ST6GALNAC3: variants seen among roughly 807,000 people sequenced by gnomAD.
ST6GALNAC3 encodes alpha-N-acetylgalactosaminide alpha-2,6-sialyltransferase 3.
Under a neutral mutation model 32.7 loss-of-function variants are expected in ST6GALNAC3, and 25 were observed. The ratio of observed to expected loss-of-function variants is 0.76; its 90% CI spans 0.56 to 1.07. ST6GALNAC3 has a LOEUF of 1.07. Ranked by LOEUF, ST6GALNAC3 falls within the 50% of genes least tolerant of loss-of-function variation. ST6GALNAC3 has a pLI of 0.00. For missense variants in ST6GALNAC3, 355 were observed against 382.4 expected (o/e 0.93, Z 0.60); for synonymous variants, 129 against 133.1 (o/e 0.97, Z 0.21).
chr1:76,600,054 G>T (rs1570412576), intron 3 of ST6GALNAC3, among the ~76,000 whole-genome samples: 1 of 152,102 alleles, frequency 6.6e-6, no homozygotes, highest in East Asian at 1.9e-4. Flanking sequence ...CCTCCCTACT[G>T]TGGTAGTATC....
intron 2 of ST6GALNAC3, among the ~76,000 whole-genome samples, chr1:76,336,460 AT>A (rs777028914): frequency 2.0e-4 from 30 of 152,288 alleles, no homozygotes; most frequent in Middle Eastern, 3.4e-3. Context: ...AAGGCTCAGT[AT>A]TTCCATTCGA....
chr1:76,460,789 TA>T (rs1311636703), intron 3 of ST6GALNAC3, among the ~76,000 whole-genome samples: 3 of 152,264 alleles, frequency 2.0e-5, no homozygotes, highest in African/African-American at 7.2e-5. Flanking sequence ...AAAGAGCATT[TA>T]TTTTTTTCTT....
At chr1:76,474,835 T>C (rs1335223949) in intron 3 of ST6GALNAC3, among the ~76,000 whole-genome samples, 1 of 152,166 alleles carries the variant, frequency 6.6e-6, no homozygotes, top group Non-Finnish European at 1.5e-5. Context: ...CCTGTGGGAT[T>C]GCACCTTATT....
chr1:76,446,293 G>A (rs573060057), intron 3 of ST6GALNAC3, among the ~76,000 whole-genome samples: 2 of 151,974 alleles, frequency 1.3e-5, no homozygotes, highest in African/African-American at 4.8e-5. Context: ...TCCATTACTA[G>A]AGTGGTATAT....
intron 3 of ST6GALNAC3, among the ~76,000 whole-genome samples, chr1:76,566,775 T>A (rs1457493198): frequency 6.6e-6 from 1 of 152,246 alleles, no homozygotes; most frequent in African/African-American, 2.4e-5. Context: ...TCCTGCCTCT[T>A]TTCATTGGAA....
At chr1:76,589,647 T>C (rs1647017432) in intron 3 of ST6GALNAC3, among the ~76,000 whole-genome samples, 1 of 151,820 alleles carries the variant, frequency 6.6e-6, no homozygotes, top group East Asian at 2.0e-4. Flanking sequence ...TCCTCAGAGC[T>C]CTACTCCTAA....
intron 3 of ST6GALNAC3, among the ~76,000 whole-genome samples, chr1:76,430,827 A>C (rs1478844442): frequency 1.3e-5 from 2 of 152,040 alleles, no homozygotes; most frequent in African/African-American, 4.8e-5. Flanking sequence ...TGAGAGTGTC[A>C]ATTTCGTAAG....
chr1:76,630,224 A>G lies in ST6GALNAC3; in HGVS notation c.*1418A>G, dbSNP rs1037564488. 7.1e-6 allele frequency: 7 copies of G among 985,228 alleles called. No homozygotes were observed. The African/African-American group carries it at 1.2e-4, about 17-fold the overall frequency. The allele number at this position is 985,228 out of a possible 1,614,324, so 61.0% of individuals were successfully genotyped here. A position where few individuals can be genotyped will look rare whatever the true frequency, so the allele number is the denominator to read the frequency against. On this transcript the variant is annotated 3_prime_UTR_variant, in exon 5 of 5. Coordinates refer to ENST00000328299, the MANE Select transcript of ST6GALNAC3 (RefSeq NM_152996.4). ...ACCAGTTGATCTCTGTGCCAAATACATTATATCAGGATTACACAAAAAGTA... is the reference window on the plus strand; with the variant it reads ...ACCAGTTGATCTCTGTGCCAAATACGTTATATCAGGATTACACAAAAAGTA...
chr1:76,145,198 A>G (rs1213899716), intron 1 of ST6GALNAC3, among the ~76,000 whole-genome samples: 1 of 152,126 alleles, frequency 6.6e-6, no homozygotes, highest in East Asian at 1.9e-4. Flanking sequence ...TGCACATATG[A>G]CTTTAGACCT....
At chr1:76,089,633 A>G (rs902664383) in intron 1 of ST6GALNAC3, among the ~76,000 whole-genome samples, 1 of 152,222 alleles carries the variant, frequency 6.6e-6, no homozygotes, top group African/African-American at 2.4e-5. Flanking sequence ...CATTTGATGA[A>G]GGGAATCAAG....
In ST6GALNAC3 at chr1:76,127,599, G is replaced by C. The variant is rs149705143; in HGVS notation, c.18+52715G>C. 1.0e-3 allele frequency among the ~76,000 whole-genome samples: 153 copies of C among 152,266 alleles called. 1 individual carries two copies. The highest frequency in any genetic ancestry group is 1.9e-3 in the Non-Finnish European group (126 of 68,034). On this transcript the variant is annotated intron_variant, in intron 1 of 4. Coordinates refer to ENST00000328299, the MANE Select transcript of ST6GALNAC3 (RefSeq NM_152996.4). Reference sequence around the variant, plus strand: ...ATGCACTGTGTTAAATATTTTACATGGATTATGTCATGGATCTCTTGCCAT... The same window carrying C: ...ATGCACTGTGTTAAATATTTTACATCGATTATGTCATGGATCTCTTGCCAT...
At chr1:76,325,375 C>T (rs1647048364) in intron 2 of ST6GALNAC3, among the ~76,000 whole-genome samples, 1 of 152,112 alleles carries the variant, frequency 6.6e-6, no homozygotes, top group African/African-American at 2.4e-5. Flanking sequence ...AACAGCTGTG[C>T]AAGTCAGTGT....
chr1:76,301,571 C>T (rs1360958610), intron 1 of ST6GALNAC3, among the ~76,000 whole-genome samples: 1 of 151,900 alleles, frequency 6.6e-6, no homozygotes, highest in Non-Finnish European at 1.5e-5. Context: ...GAAAACTGTC[C>T]TACTTAGAAA....
intron 1 of ST6GALNAC3, among the ~76,000 whole-genome samples, chr1:76,087,297 A>G (rs534171325): frequency 5.3e-4 from 81 of 152,322 alleles, no homozygotes; most frequent in African/African-American, 1.8e-3. Context: ...TGTTAAAACT[A>G]TTGAAATCCA....
At chr1:76,266,092 C>T (rs1658510980) in intron 1 of ST6GALNAC3, among the ~76,000 whole-genome samples, 1 of 152,170 alleles carries the variant, frequency 6.6e-6, no homozygotes, top group Admixed American at 6.5e-5. Flanking sequence ...TCAGGGGGCA[C>T]TTAACTGGAA....
At chr1:76,472,451 A>T (rs1659091638) in intron 3 of ST6GALNAC3, among the ~76,000 whole-genome samples, 1 of 152,110 alleles carries the variant, frequency 6.6e-6, no homozygotes, top group African/African-American at 2.4e-5. Context: ...ATTTTAGGGA[A>T]GTGGTGAAGG....
Position 76,103,178 on chromosome 1 carries a change from T to G in ST6GALNAC3, c.18+28294T>G, listed in dbSNP as rs11807262. On this transcript the variant is annotated intron_variant, in intron 1 of 4. Transcript: ENST00000328299. The stretch of plus-strand genomic sequence containing the variant: ...GCCTGGGTGAAGTTTTCTTTTTACA[T>G]TTCCTGCTTGGGGTTTCTAGGATTC... 5.5e-3 allele frequency among the ~76,000 whole-genome samples: 838 copies of G among 151,918 alleles called. 9 individuals are homozygous for G. Among genetic ancestry groups the G allele is most frequent in the African/African-American group, 0.019 (795 of 41,504 alleles).
At chr1:76,530,753 G>T (rs1357513713) in intron 3 of ST6GALNAC3, among the ~76,000 whole-genome samples, 1 of 152,130 alleles carries the variant, frequency 6.6e-6, no homozygotes, top group East Asian at 1.9e-4. Context: ...CGTGGATAAG[G>T]GAATTGAGGC....
rs556180390 is a variant in ST6GALNAC3, at chr1:76,262,187, C to T, written c.19-51618C>T. 2.6e-5 allele frequency among the ~76,000 whole-genome samples: 4 copies of T among 152,330 alleles called. No individual in the cohort carries two copies. The South Asian group carries it at 8.3e-4, about 32-fold the overall frequency. Reference sequence around the variant, plus strand: ...CACGCTTTACCAATGATCCCTTAATCATCACAGTAATCCTGAGAGAAATAT... The same window carrying T: ...CACGCTTTACCAATGATCCCTTAATTATCACAGTAATCCTGAGAGAAATAT... On this transcript the variant is annotated intron_variant, in intron 1 of 4. Coordinates refer to ENST00000328299, the MANE Select transcript of ST6GALNAC3 (RefSeq NM_152996.4).
Sources: gnomAD v4.1 joint callset for allele counts (sites outside exome capture counted in the v4.1 genomes callset) on GRCh38, gnomAD v4.1.1 for gene constraint, MANE v1.5 for transcripts, NCBI Gene and HGNC (gene_info 2026-07-23, HGNC 2026-07-21) for gene names.